TXNRD1: variants seen among roughly 807,000 people sequenced by gnomAD.
The protein encoded by TXNRD1 is thioredoxin reductase 1.
A neutral mutation model predicts 80.3 loss-of-function variants in TXNRD1; 57 were observed. The observed-to-expected ratio is 0.71, with a 90% CI of 0.57 to 0.89. The LOEUF (loss-of-function observed/expected upper bound fraction) is 0.89, where lower values mean the gene tolerates loss of function less well. Ranked by LOEUF, TXNRD1 falls within the 40% of genes least tolerant of loss-of-function variation. The probability of loss-of-function intolerance (pLI) is 0.00; values close to 1 mark genes in which losing one functional copy is unlikely to be tolerated. For synonymous variants in TXNRD1, 291 were observed against 285.2 expected (o/e 1.02, Z -0.20); for missense variants, 730 against 803.0 (o/e 0.91, Z 1.10).
intron 1 of TXNRD1, among the ~76,000 whole-genome samples, chr12:104,221,548 C>T (rs946290919): frequency 6.6e-6 from 1 of 152,160 alleles, no homozygotes. Context: ...CAACTCCTGA[C>T]CTCAGGTGAT....
intron 3 of TXNRD1, among the ~76,000 whole-genome samples, chr12:104,274,727 T>A (rs796860421): frequency 3.3e-5 from 3 of 90,558 alleles, no homozygotes; most frequent in East Asian, 4.1e-4. Flanking sequence ...ATAAAAAAAA[T>A]AATAATAATA....
chr12:104,223,074 G>A (rs183131637), intron 1 of TXNRD1, among the ~76,000 whole-genome samples: 54 of 152,234 alleles, frequency 3.5e-4, no homozygotes, highest in African/African-American at 1.2e-3. Context: ...TTACTTCCAA[G>A]TTTGGACATT....
chr12:104,287,350 G>A (rs1417126752), intron 3 of TXNRD1: 2 of 1,614,046 alleles, frequency 1.2e-6, no homozygotes, highest in Non-Finnish European at 8.5e-7. Flanking sequence ...TCATGTGGTA[G>A]GTGAGGCCGG....
At chr12:104,266,544 AT>A (rs1340828001) in intron 3 of TXNRD1, among the ~76,000 whole-genome samples, 2 of 142,356 alleles carry the variant, frequency 1.4e-5, no homozygotes, top group African/African-American at 2.7e-5. Flanking sequence ...AAAAAAAAAA[AT>A]TAGTTGGCTG....
chr12:104,248,217 A>T (rs943054076), intron 1 of TXNRD1, among the ~76,000 whole-genome samples: 5 of 151,930 alleles, frequency 3.3e-5, no homozygotes, highest in Non-Finnish European at 5.9e-5. Context: ...CATTTAAAGT[A>T]TATGCATATA....
At chr12:104,310,591 A>G (rs2035099412) in intron 4 of TXNRD1, among the ~76,000 whole-genome samples, 1 of 152,244 alleles carries the variant, frequency 6.6e-6, no homozygotes, top group African/African-American at 2.4e-5. Flanking sequence ...ATGAAATATA[A>G]TTAATGTGTA....
chr12:104,301,432 G>A (rs377605256), intron 4 of TXNRD1, among the ~76,000 whole-genome samples: 8 of 152,260 alleles, frequency 5.3e-5, no homozygotes, highest in African/African-American at 1.2e-4. Flanking sequence ...CCGTCTCCTG[G>A]GTTCAGGCTA....
intron 3 of TXNRD1, among the ~76,000 whole-genome samples, chr12:104,269,370 CT>C (rs1281713447): frequency 6.8e-6 from 1 of 146,770 alleles, no homozygotes; most frequent in Non-Finnish European, 1.5e-5. Context: ...TTTGTGGGTT[CT>C]TTTTTTCTTC....
chr12:104,291,196 C>CTTTTTTTTTTTT (rs35069007), intron 4 of TXNRD1: 1 of 132,760 alleles, frequency 7.5e-6, no homozygotes, highest in East Asian at 2.5e-4. Context: ...TACTTTGTGT[C>CTTTTTTTTTTTT]TTTTTTTTTT....
chr12:104,269,478 T>C (rs1265771684), intron 3 of TXNRD1, among the ~76,000 whole-genome samples: 1 of 150,508 alleles, frequency 6.6e-6, no homozygotes, highest in Non-Finnish European at 1.5e-5. Flanking sequence ...TGGCTCACTG[T>C]GGCCTCAACC....
chr12:104,325,704 T>G (rs1029354645), intron 11 of TXNRD1, among the ~76,000 whole-genome samples: 2 of 152,172 alleles, frequency 1.3e-5, no homozygotes, highest in Admixed American at 1.3e-4. Flanking sequence ...AAACCCCGAC[T>G]CTACTAAAAA....
intron 3 of TXNRD1, among the ~76,000 whole-genome samples, chr12:104,273,545 A>G (rs1397599013): frequency 6.6e-6 from 1 of 152,132 alleles, no homozygotes; most frequent in Non-Finnish European, 1.5e-5. Context: ...GTGAGCCGAG[A>G]TTGCGTCACT....
chr12:104,305,148 G>A (rs1339832424), intron 4 of TXNRD1: 6 of 485,172 alleles, frequency 1.2e-5, no homozygotes, highest in Admixed American at 4.0e-5. Context: ...ATATTTATGG[G>A]AACGTTTTAT....
chr12:104,256,454 C>G (rs2033250237), intron 2 of TXNRD1, among the ~76,000 whole-genome samples: 1 of 152,066 alleles, frequency 6.6e-6, no homozygotes, highest in African/African-American at 2.4e-5. Flanking sequence ...CAGATTCAGA[C>G]TGGGGCTTAG....
chr12:104,320,703 T>C (rs1188485602), intron 9 of TXNRD1, among the ~76,000 whole-genome samples: 1 of 152,148 alleles, frequency 6.6e-6, no homozygotes, highest in Non-Finnish European at 1.5e-5. Context: ...GTGTTTCAGC[T>C]GAGGACAAGC....
At chr12:104,304,163 T>C in intron 4 of TXNRD1, 1 of 1,614,082 alleles carries the variant, frequency 6.2e-7, no homozygotes, top group Non-Finnish European at 8.5e-7. Flanking sequence ...CAACGTCCTC[T>C]TTGATGGCGT....
intron 1 of TXNRD1, among the ~76,000 whole-genome samples, chr12:104,239,781 C>T (rs1388292627): frequency 6.6e-6 from 1 of 152,148 alleles, no homozygotes; most frequent in Non-Finnish European, 1.5e-5. Flanking sequence ...CCACACCCAG[C>T]CTCATTTCTT....
intron 3 of TXNRD1, among the ~76,000 whole-genome samples, chr12:104,275,691 A>G (rs185098622): frequency 2.6e-4 from 40 of 152,278 alleles, no homozygotes; most frequent in African/African-American, 9.4e-4. Flanking sequence ...CCTTGAGTTA[A>G]GTTTTGATCG....
At chr12:104,327,692 C>G (rs2035810985) in intron 13 of TXNRD1, 21 bp downstream of exon 13, 1 of 1,611,332 alleles carries the variant, frequency 6.2e-7, no homozygotes, top group South Asian at 1.1e-5. Flanking sequence ...TGCTTGTTGC[C>G]CATTAGATAC....
Sources: gnomAD v4.1 joint callset for allele counts (sites outside exome capture counted in the v4.1 genomes callset) on GRCh38, gnomAD v4.1.1 for gene constraint, MANE v1.5 for transcripts, NCBI Gene and HGNC (gene_info 2026-07-23, HGNC 2026-07-21) for gene names.